The following PPARD variants were observed in gnomAD, a reference collection of about 807,000 sequenced individuals.
The protein encoded by PPARD is peroxisome proliferator-activated receptor delta.
PPARD carries 6 observed loss-of-function variants against 39.5 expected under a neutral mutation model. The ratio of observed to expected loss-of-function variants is 0.15; its 90% CI spans 0.08 to 0.30. PPARD has a LOEUF of 0.30. Among genes scored for constraint, PPARD ranks in the 10% least tolerant of loss-of-function variants. PPARD has a pLI of 1.00. For missense variants in PPARD, 397 were observed against 596.8 expected (o/e 0.67, Z 3.49); for synonymous variants, 210 against 231.3 (o/e 0.91, Z 0.83).
chr6:35,411,209 G>C lies in PPARD; in HGVS notation c.122G>C (p.Ser41Thr). ...GGPQHALPSS[S>T]YTDLSRSSSP... is the part of the protein sequence containing the mutation. ...CCACAGCATGCACTTCCTTCCAGCA[G>C]CTACACAGGTGAGGAGAGGACTGGC... Residue 41 changes from serine to threonine, a missense_variant, in exon 3 of 8, where the codon AGC becomes ACC. Coordinates refer to ENST00000360694, the MANE Select transcript of PPARD (RefSeq NM_006238.5). The C allele has an allele frequency of 6.5e-7, 1 of 1,536,294 alleles. No homozygotes were observed.
chr6:35,367,509 C>T (rs566537867), intron 2 of PPARD, among the ~76,000 whole-genome samples: 15 of 152,290 alleles, frequency 9.8e-5, no homozygotes, highest in African/African-American at 3.6e-4. Context: ...GAAACTAAGG[C>T]TCAGAAAAAT....
rs1387813749 is a variant in PPARD, at chr6:35,411,047, A to G, written c.-41A>G. The G allele has an allele frequency of 1.4e-6, 2 of 1,457,860 alleles. No individual in the cohort carries two copies. The highest frequency in any genetic ancestry group is 1.8e-6 in the Non-Finnish European group (2 of 1,098,436). 90.3% of individuals were successfully genotyped at this position (1,457,860 alleles called of 1,614,324 possible). A position where few individuals can be genotyped will look rare whatever the true frequency, so the allele number is the denominator to read the frequency against. ...TTCAGACCCAGACGATGCCAGAGCTATGACTGGGCCTGCAGGTGTGGCGCC... is the reference window on the plus strand; with the variant it reads ...TTCAGACCCAGACGATGCCAGAGCTGTGACTGGGCCTGCAGGTGTGGCGCC... On this transcript the variant is annotated 5_prime_UTR_variant, in exon 3 of 8. The change abolishes an upstream ATG in the 5' untranslated region. Coordinates refer to ENST00000360694, the MANE Select transcript of PPARD (RefSeq NM_006238.5).
chr6:35,357,738 T>C (rs1265820502), intron 2 of PPARD, among the ~76,000 whole-genome samples: 2 of 152,068 alleles, frequency 1.3e-5, no homozygotes, highest in Non-Finnish European at 2.9e-5. Flanking sequence ...GATTTCACTA[T>C]CTTGGCCAGG....
At chr6:35,423,742 T>C (rs1383939876) in intron 5 of PPARD, among the ~76,000 whole-genome samples, 1 of 147,146 alleles carries the variant, frequency 6.8e-6, no homozygotes, top group Non-Finnish European at 1.5e-5. Flanking sequence ...CTTGCAAAGA[T>C]ACACCAAAAA....
chr6:35,418,335 G>C (rs1348437990), intron 3 of PPARD, among the ~76,000 whole-genome samples: 3 of 36,798 alleles, frequency 8.2e-5, no homozygotes, highest in Non-Finnish European at 1.6e-4. Flanking sequence ...TATTGTCCCT[G>C]TTATAAATGC....
At position 35,420,357 on chromosome 6, in the gene PPARD, C is replaced by T; in HGVS notation, c.285+76C>T. The T allele has an allele frequency of 2.0e-6, 3 of 1,490,450 alleles. No homozygotes were observed. The South Asian group carries it at 4.0e-5, about 20-fold the overall frequency. 92.3% of individuals were successfully genotyped at this position (1,490,450 alleles called of 1,614,324 possible). A position where few individuals can be genotyped will look rare whatever the true frequency, so the allele number is the denominator to read the frequency against. ...TGAATTGACCCTCCACAAAGCTTTC[C>T]TTGCCTTGGGGTGGGGCCCTGACTG... On this transcript the variant is annotated intron_variant, in intron 4 of 7. Coordinates refer to ENST00000360694, the MANE Select transcript of PPARD (RefSeq NM_006238.5).
chr6:35,389,535 A>C (rs1345649324), intron 2 of PPARD, among the ~76,000 whole-genome samples: 2 of 150,164 alleles, frequency 1.3e-5, no homozygotes, highest in South Asian at 2.1e-4. Context: ...CTGATCTTGA[A>C]CTCCTGACCC....
rs1450021813 is a variant in PPARD at position 35,363,346 on chromosome 6, C to T, written c.-102+16196C>T. Among the ~76,000 whole-genome samples the T allele has an allele frequency of 6.6e-6, 1 of 152,182 alleles. No individual in the cohort carries two copies. The highest frequency in any genetic ancestry group is 1.5e-5 in the Non-Finnish European group (1 of 68,032). On this transcript the variant is annotated intron_variant, in intron 2 of 7. Coordinates refer to ENST00000360694, the MANE Select transcript of PPARD (RefSeq NM_006238.5). The surrounding 1 kb of genome is among the most constrained non-coding windows in gnomAD (Gnocchi z 4.5). ...TGGGCCTGCCTGGATCATATCTGTT[C>T]TGCTGTGATCCCAGGCCTGGTGAGA... is the stretch of plus-strand genomic sequence containing the variant.
intron 1 of PPARD, among the ~76,000 whole-genome samples, chr6:35,344,218 A>G (rs1405472902): frequency 6.6e-6 from 1 of 151,974 alleles, no homozygotes; most frequent in East Asian, 1.9e-4. Flanking sequence ...TAGGGAATCC[A>G]AATTGTCCCT....
At chr6:35,405,653 C>T (rs1764999459) in intron 2 of PPARD, among the ~76,000 whole-genome samples, 1 of 151,722 alleles carries the variant, frequency 6.6e-6, no homozygotes, top group African/African-American at 2.4e-5. Context: ...TGTTTTGAGA[C>T]AGAGTCTCCT....
intron 1 of PPARD, 62 bp from the exon 2 acceptor site, chr6:35,347,005 G>A (rs1347350232): frequency 9.5e-7 from 1 of 1,051,082 alleles, no homozygotes; most frequent in Non-Finnish European, 1.4e-6. Context: ...ACTTATTAGA[G>A]TTGCTTTGAG....
At chr6:35,361,356 A>G (rs531514877) in intron 2 of PPARD, among the ~76,000 whole-genome samples, 1 of 151,968 alleles carries the variant, frequency 6.6e-6, no homozygotes, top group Non-Finnish European at 1.5e-5. Flanking sequence ...ACCAAACAGA[A>G]CTTCAAGGCA....
rs1028943032 is a variant in PPARD at position 35,426,115 on chromosome 6, G to T, written c.*36G>T. On this transcript the variant is annotated 3_prime_UTR_variant, in exon 8 of 8. Coordinates refer to ENST00000360694, the MANE Select transcript of PPARD (RefSeq NM_006238.5). The stretch of plus-strand genomic sequence containing the variant: ...CAGGCCTCCCTGCAGACTCCAATGG[G>T]GCCAGCACTGGAGGGGCCCACCCAC... The T allele has an allele frequency of 2.5e-6, 4 of 1,596,496 alleles. No individual in the cohort carries two copies. Among genetic ancestry groups the T allele is most frequent in the Non-Finnish European group, 3.4e-6 (4 of 1,175,136 alleles).
intron 2 of PPARD, 81 bp from the exon 3 acceptor site, chr6:35,410,906 C>T (rs1318141777): frequency 6.4e-6 from 8 of 1,247,484 alleles, no homozygotes; most frequent in Non-Finnish European, 7.1e-6. Context: ...ATGACAGCAG[C>T]CCCCAAGCGT....
Position 35,373,655 on chromosome 6 carries a change from T to C in PPARD, c.-102+26505T>C, listed in dbSNP as rs149188042. ...TTCACTCTACGGTACATTTCTTTCT[T>C]TCTTTGTTTCTTTCTTTCTTTTTTT... On this transcript the variant is annotated intron_variant, in intron 2 of 7. Coordinates refer to ENST00000360694, the MANE Select transcript of PPARD (RefSeq NM_006238.5). 8.7e-5 allele frequency among the ~76,000 whole-genome samples: 12 copies of C among 138,096 alleles called. No homozygotes were observed. In the South Asian group the frequency reaches 9.0e-4, roughly 10 times the overall value. The allele number at this position is 138,096 out of a possible 152,430, so 90.6% of individuals were successfully genotyped here.
chr6:35,353,403 C>T (rs910349563), intron 2 of PPARD, among the ~76,000 whole-genome samples: 1 of 152,152 alleles, frequency 6.6e-6, no homozygotes, highest in African/African-American at 2.4e-5. Flanking sequence ...ATTAAGCACC[C>T]AGAGCCAGGG....
chr6:35,422,615 T>C (rs1766252943), intron 5 of PPARD, among the ~76,000 whole-genome samples: 1 of 152,142 alleles, frequency 6.6e-6, no homozygotes, highest in Non-Finnish European at 1.5e-5. Context: ...GCAGGTTAGC[T>C]GCTTGGCCAG....
chr6:35,406,639 G>T (rs1765072024), intron 2 of PPARD, among the ~76,000 whole-genome samples: 1 of 152,180 alleles, frequency 6.6e-6, no homozygotes, highest in African/African-American at 2.4e-5. Context: ...ACAATTCCAG[G>T]CTAGGGAGAG....
intron 2 of PPARD, among the ~76,000 whole-genome samples, chr6:35,371,689 A>G (rs1177965457): frequency 6.6e-6 from 1 of 152,116 alleles, no homozygotes; most frequent in South Asian, 2.1e-4. Flanking sequence ...TGCCCCTCCA[A>G]AAGATATGTC....
Sources: gnomAD v4.1 joint callset for allele counts (sites outside exome capture counted in the v4.1 genomes callset) on GRCh38, gnomAD v4.1.1 for gene constraint, Gnocchi (gnomAD v3.1) non-coding constraint, MANE v1.5 for transcripts, NCBI Gene and HGNC (gene_info 2026-07-23, HGNC 2026-07-21) for gene names.